Variants in PDE8B observed in about 807,000 individuals in gnomAD.
The protein encoded by PDE8B is phosphodiesterase 8B.
A neutral mutation model predicts 101.3 loss-of-function variants in PDE8B; 26 were observed. The ratio of observed to expected loss-of-function variants is 0.26; its 90% confidence interval spans 0.19 to 0.36. The LOEUF (loss-of-function observed/expected upper bound fraction) is 0.36, where lower values mean the gene tolerates loss of function less well. Among genes scored for constraint, PDE8B ranks in the 10% least tolerant of loss-of-function variants. The pLI, the probability that PDE8B is intolerant of heterozygous loss-of-function variation, is 1.00. For missense variants in PDE8B, 810 were observed against 1,163.1 expected (o/e 0.70, Z 4.42); for synonymous variants, 424 against 429.3 (o/e 0.99, Z 0.15).
the PDE8B span, among the ~76,000 whole-genome samples, chr5:77,202,749 A>T: frequency 3.3e-5 from 5 of 151,574 alleles, no homozygotes; most frequent in Non-Finnish European, 5.9e-5. Context: ...TCTCCTGTGT[A>T]GCTGGGACTA....
At chr5:77,320,408 A>G (rs1407165093) in intron 2 of PDE8B, among the ~76,000 whole-genome samples, 1 of 152,220 alleles carries the variant, frequency 6.6e-6, no homozygotes, top group Non-Finnish European at 1.5e-5. Context: ...AGCCCAGATC[A>G]GTTCTGCATC....
intron 1 of PDE8B, among the ~76,000 whole-genome samples, chr5:77,309,158 GAC>G: frequency 7.4e-6 from 1 of 134,538 alleles, no homozygotes. Context: ...CAGCCTGGGC[GAC>G]AGAGTGAAAC....
At chr5:77,285,522 G>C (rs1033799983) in intron 1 of PDE8B, among the ~76,000 whole-genome samples, 1 of 151,968 alleles carries the variant, frequency 6.6e-6, no homozygotes, top group African/African-American at 2.4e-5. Flanking sequence ...AGTTTTTCTC[G>C]GGCCGCTTTT....
At chr5:77,386,445 A>G (rs1788641421) in intron 10 of PDE8B, among the ~76,000 whole-genome samples, 1 of 152,142 alleles carries the variant, frequency 6.6e-6, no homozygotes, top group Non-Finnish European at 1.5e-5. Flanking sequence ...AACTTGCTTT[A>G]TGAATCTGGG....
At chr5:77,125,025 C>G in the PDE8B span, among the ~76,000 whole-genome samples, 4 of 152,200 alleles carry the variant, frequency 2.6e-5, no homozygotes, top group African/African-American at 9.7e-5. Flanking sequence ...GGGTCTTGCT[C>G]TGTCACCCAA....
intron 11 of PDE8B, among the ~76,000 whole-genome samples, chr5:77,401,877 C>G (rs1451835152): frequency 6.6e-6 from 1 of 152,128 alleles, no homozygotes; most frequent in Non-Finnish European, 1.5e-5. Flanking sequence ...GCTATAGATT[C>G]TCTTAATTTT....
At chr5:77,412,964 C>G in intron 16 of PDE8B, 147 bp from the exon 17 acceptor site, 1 of 728,554 alleles carries the variant, frequency 1.4e-6, no homozygotes. Flanking sequence ...ATCCTACCTC[C>G]TAATTTTTAG....
intron 5 of PDE8B, among the ~76,000 whole-genome samples, chr5:77,332,429 T>A (rs184865737): frequency 6.6e-6 from 1 of 152,120 alleles, no homozygotes; most frequent in Non-Finnish European, 1.5e-5. Flanking sequence ...ACTATAAACA[T>A]CATGAATAAC....
rs1482842129 is a variant in PDE8B, at chr5:77,427,542, G to A, written c.*988G>A. ...GGGAGGGGATAGGGGAAGTTTCAAG[G>A]TTCAGATATTTTTAACCAGTCTATA... is the stretch of plus-strand genomic sequence containing the variant. On this transcript the variant is annotated 3_prime_UTR_variant, in exon 22 of 22. Transcript: ENST00000264917. 1 of 152,078 alleles carries A rather than the reference G, an allele frequency of 6.6e-6. No homozygotes were observed. Among genetic ancestry groups the A allele is most frequent in the Non-Finnish European group, 1.5e-5 (1 of 68,014 alleles). The allele number at this position is 152,078 out of a possible 1,614,324, so 9.4% of individuals were successfully genotyped here.
chr5:77,395,714 A>G (rs922386885), intron 10 of PDE8B, among the ~76,000 whole-genome samples: 6 of 151,548 alleles, frequency 4.0e-5, no homozygotes, highest in Admixed American at 2.0e-4. Context: ...TGCCCACGCA[A>G]AAGTCCCTCC....
At chr5:77,307,047 C>T (rs1469905068) in intron 1 of PDE8B, among the ~76,000 whole-genome samples, 3 of 152,162 alleles carry the variant, frequency 2.0e-5, no homozygotes, top group Non-Finnish European at 4.4e-5. Context: ...ATCCTTTGCT[C>T]AAACACCTGC....
chr5:77,418,730 G>A (rs1796056479), intron 18 of PDE8B, among the ~76,000 whole-genome samples: 1 of 152,054 alleles, frequency 6.6e-6, no homozygotes, highest in South Asian at 2.1e-4. Flanking sequence ...ACCCTCCTAC[G>A]AGGACATCCT....
chr5:77,285,496 A>G (rs940538299), intron 1 of PDE8B, among the ~76,000 whole-genome samples: 2 of 150,960 alleles, frequency 1.3e-5, no homozygotes, highest in Non-Finnish European at 3.0e-5. Flanking sequence ...TCATTGTCCC[A>G]CTGTGTGTAT....
intron 1 of PDE8B, among the ~76,000 whole-genome samples, chr5:77,242,402 T>A (rs1430783292): frequency 6.6e-6 from 1 of 152,250 alleles, no homozygotes; most frequent in Non-Finnish European, 1.5e-5. Flanking sequence ...TTTTAAAGTA[T>A]GTTTCAAAGG....
At chr5:77,345,032 G>A (rs867295575) in intron 7 of PDE8B, 101 bp downstream of exon 7, 7 of 791,042 alleles carry the variant, frequency 8.8e-6, no homozygotes, top group African/African-American at 3.4e-5. Flanking sequence ...TCATGTATCA[G>A]CACATTTTCT....
chr5:77,419,127 TTCA>T (rs1796136756), intron 18 of PDE8B, among the ~76,000 whole-genome samples: 1 of 152,218 alleles, frequency 6.6e-6, no homozygotes, highest in South Asian at 2.1e-4. Context: ...TGGCTTCAGC[TTCA>T]TCAGTATCGA....
At chr5:77,403,103 G>A (rs1002659526) in intron 11 of PDE8B, among the ~76,000 whole-genome samples, 21 of 152,134 alleles carry the variant, frequency 1.4e-4, no homozygotes, top group African/African-American at 3.9e-4. Flanking sequence ...AAGCAAATGC[G>A]CTGAAAATGT....
chr5:77,155,971 T>G, the PDE8B span, among the ~76,000 whole-genome samples: 1 of 152,224 alleles, frequency 6.6e-6, no homozygotes, highest in Non-Finnish European at 1.5e-5. Flanking sequence ...TCATCTGTAA[T>G]GACGGAAGGG....
rs183553546 is a variant in PDE8B, at chr5:77,381,772, G to A, written c.1168-18476G>A. On this transcript the variant is annotated intron_variant, in intron 10 of 21. Transcript: ENST00000264917. Reference sequence around the variant, plus strand: ...GTCATGGGAGAACTTGGGAGCAGGGGAAGGAGGCTAGTTCATAAAATCTAT... The same window carrying A: ...GTCATGGGAGAACTTGGGAGCAGGGAAAGGAGGCTAGTTCATAAAATCTAT... Among the ~76,000 whole-genome samples the A allele has an allele frequency of 2.3e-3, 355 of 152,242 alleles. 2 individuals carry two copies. The highest frequency in any genetic ancestry group is 3.7e-3 in the Non-Finnish European group (250 of 68,014).
Sources: allele counts gnomAD v4.1 joint callset (sites outside exome capture counted in the v4.1 genomes callset), GRCh38; gene constraint gnomAD v4.1.1; transcripts MANE v1.5; gene names NCBI Gene and HGNC (gene_info 2026-07-23, HGNC 2026-07-21).